The following OSBPL3 variants were observed in gnomAD, a reference collection of about 807,000 sequenced individuals.
OSBPL3 encodes the protein oxysterol-binding protein-related protein 3.
OSBPL3 carries 65 observed loss-of-function variants against 120.1 expected under a neutral mutation model. That is an observed-to-expected ratio of 0.54 (90% CI 0.44 to 0.67). The LOEUF (loss-of-function observed/expected upper bound fraction) is 0.67. Ranked by LOEUF, OSBPL3 falls within the 30% of genes least tolerant of loss-of-function variation. OSBPL3 has a pLI of 0.00. For synonymous variants in OSBPL3, 416 were observed against 402.6 expected (o/e 1.03, Z -0.40); for missense variants, 1,004 against 1,082.1 (o/e 0.93, Z 1.01).
In OSBPL3 at chr7:24,852,461, TG is replaced by T; in HGVS notation, c.1158+42del. 6.7e-7 allele frequency: 1 copy of T among 1,497,232 alleles called. No individual in the cohort carries two copies. The highest frequency in any genetic ancestry group is 8.9e-7 in the Non-Finnish European group (1 of 1,125,662). 92.7% of individuals were successfully genotyped at this position (1,497,232 alleles called of 1,614,324 possible). A position where few individuals can be genotyped will look rare whatever the true frequency, so the allele number is the denominator to read the frequency against. On this transcript the variant is annotated intron_variant, in intron 11 of 22. Transcript: ENST00000313367. The surrounding 1 kb of genome is among the most constrained non-coding windows in gnomAD (Gnocchi z 4.1). ...AGAAATTACAAACCATTCATGAGCCTGGACACATCTCAGGCATTCCTGGAGG... is the reference window on the plus strand; with the variant it reads ...AGAAATTACAAACCATTCATGAGCCTGACACATCTCAGGCATTCCTGGAGG...
At chr7:24,975,225 G>GAC (rs1311989402) in intron 1 of OSBPL3, among the ~76,000 whole-genome samples, 2 of 152,158 alleles carry the variant, frequency 1.3e-5, no homozygotes, top group Non-Finnish European at 2.9e-5. Flanking sequence ...TTATTCTACA[G>GAC]ACAATGATTA....
At chr7:24,886,690 C>CT (rs1302871372) in intron 2 of OSBPL3, among the ~76,000 whole-genome samples, 1 of 152,180 alleles carries the variant, frequency 6.6e-6, no homozygotes, top group Non-Finnish European at 1.5e-5. Flanking sequence ...CAACCATATA[C>CT]TTTTTTAACC....
intron 1 of OSBPL3, among the ~76,000 whole-genome samples, chr7:24,976,533 T>C (rs1817607988): frequency 1.1e-5 from 1 of 94,802 alleles, no homozygotes; most frequent in South Asian, 4.6e-4. Flanking sequence ...ACAGTAGTAA[T>C]TGGAAAGTCA....
chr7:24,824,284 G>A lies in OSBPL3; in HGVS notation c.1885-4046C>T, dbSNP rs1045958305. Reference sequence around the variant, plus strand: ...ATTTATAATTTATTTATATATCTGAGGCCTTTCTTTACCTTGACCTAATCA... The same window carrying A: ...ATTTATAATTTATTTATATATCTGAAGCCTTTCTTTACCTTGACCTAATCA... On this transcript the variant is annotated intron_variant, in intron 16 of 22. Coordinates refer to ENST00000313367, the MANE Select transcript of OSBPL3 (RefSeq NM_015550.4). The surrounding 1 kb of genome is among the most constrained non-coding windows in gnomAD (Gnocchi z 4.9). Among the ~76,000 whole-genome samples the A allele has an allele frequency of 1.3e-5, 2 of 152,058 alleles. No homozygotes were observed. The highest frequency in any genetic ancestry group is 4.8e-5 in the African/African-American group (2 of 41,382).
intron 12 of OSBPL3, among the ~76,000 whole-genome samples, chr7:24,845,305 G>C (rs1456495336): frequency 1.4e-5 from 2 of 147,582 alleles, no homozygotes; most frequent in Non-Finnish European, 3.0e-5. Flanking sequence ...TCTAGGGAGA[G>C]GCTGGATGAA....
At chr7:24,943,021 C>A (rs1813279427) in intron 1 of OSBPL3, among the ~76,000 whole-genome samples, 1 of 152,242 alleles carries the variant, frequency 6.6e-6, no homozygotes, top group Non-Finnish European at 1.5e-5. Flanking sequence ...TGCCTACCTG[C>A]AAAGGCCATC....
At chr7:24,882,291 A>C (rs1803813625) in intron 2 of OSBPL3, among the ~76,000 whole-genome samples, 1 of 136,614 alleles carries the variant, frequency 7.3e-6, no homozygotes. Context: ...TATCTAGATC[A>C]TTCCACTCTC....
intron 16 of OSBPL3, among the ~76,000 whole-genome samples, chr7:24,826,713 G>A (rs964501467): frequency 2.6e-5 from 4 of 152,240 alleles, no homozygotes; most frequent in Admixed American, 2.0e-4. Flanking sequence ...AATGCACGGA[G>A]CACTCTACAA....
At chr7:24,850,856 A>C (rs891052626) in intron 11 of OSBPL3, among the ~76,000 whole-genome samples, 7 of 152,230 alleles carry the variant, frequency 4.6e-5, no homozygotes, top group Non-Finnish European at 8.8e-5. Flanking sequence ...TGGTTCTAAA[A>C]ATTTTATTTT....
At chr7:24,919,341 G>A (rs1562926853) in intron 1 of OSBPL3, among the ~76,000 whole-genome samples, 1 of 152,000 alleles carries the variant, frequency 6.6e-6, no homozygotes, top group Non-Finnish European at 1.5e-5. Context: ...TGAGAATGTA[G>A]ACATTAAGCC....
At chr7:24,911,928 C>T (rs1255614506) in intron 1 of OSBPL3, among the ~76,000 whole-genome samples, 1 of 152,146 alleles carries the variant, frequency 6.6e-6, no homozygotes, top group African/African-American at 2.4e-5. Flanking sequence ...AGCTAAAAGG[C>T]AAGAAAAACC....
intron 1 of OSBPL3, among the ~76,000 whole-genome samples, chr7:24,921,588 C>CAGCAG (rs1425304825): frequency 6.6e-6 from 1 of 152,162 alleles, no homozygotes; most frequent in Non-Finnish European, 1.5e-5. Flanking sequence ...ATCCTGGCTG[C>CAGCAG]AGCAGCAGGA....
chr7:24,959,449 C>T lies in OSBPL3; in HGVS notation c.-150+20437G>A, dbSNP rs1438832591. On this transcript the variant is annotated intron_variant, in intron 1 of 22. Transcript: ENST00000313367. This position sits in a 1 kb window ranked among gnomAD's most constrained non-coding sequence, Gnocchi z 4.3. ...CAAAATATGAGTGACTCTCACAGAC[C>T]TAAAGCGTTAACATGAGTCAATTTA... Among the ~76,000 whole-genome samples, 1 of 152,086 alleles carries T rather than the reference C, an allele frequency of 6.6e-6. No individual in the cohort carries two copies. The highest frequency in any genetic ancestry group is 1.5e-5 in the Non-Finnish European group (1 of 67,994).
Position 24,808,153 on chromosome 7 carries a change from G to A in OSBPL3, c.2318-1251C>T, listed in dbSNP as rs1418124080. ...TGGCCTTAAACAATCTGCCTGCCTT[G>A]GCTTCCCAAAGTGCTGGGATTACAG... On this transcript the variant is annotated intron_variant, in intron 20 of 22. Coordinates refer to ENST00000313367, the MANE Select transcript of OSBPL3 (RefSeq NM_015550.4). The surrounding 1 kb of genome is among the most constrained non-coding windows in gnomAD (Gnocchi z 4.6). 6.6e-6 allele frequency among the ~76,000 whole-genome samples: 1 copy of A among 152,146 alleles called. No homozygotes were observed. Among genetic ancestry groups the A allele is most frequent in the African/African-American group, 2.4e-5 (1 of 41,424 alleles).
rs1211127587 is a variant in OSBPL3, at chr7:24,818,528, T to C, written c.1948+1647A>G. 6.6e-6 allele frequency among the ~76,000 whole-genome samples: 1 copy of C among 152,110 alleles called. No individual in the cohort carries two copies. The highest frequency in any genetic ancestry group is 1.5e-5 in the Non-Finnish European group (1 of 68,018). ...ATATTATTTGATGATATTAAAAATATATAACATAAATCCTAAAGTAACAAC... is the reference window on the plus strand; with the variant it reads ...ATATTATTTGATGATATTAAAAATACATAACATAAATCCTAAAGTAACAAC... On this transcript the variant is annotated intron_variant, in intron 17 of 22. Coordinates refer to ENST00000313367, the MANE Select transcript of OSBPL3 (RefSeq NM_015550.4). This position sits in a 1 kb window ranked among gnomAD's most constrained non-coding sequence, Gnocchi z 4.0.
chr7:24,892,411 G>A lies in OSBPL3; in HGVS notation c.62C>T (p.Thr21Ile), dbSNP rs140438755. ...TCCTTGCTTGGAAGAGCAGCTACTT[G>A]TGCTCCTTGAAGGTGATACCAATTT... Reference protein sequence around the residue: ...SQKLVSPSRSTSSCSSKQGSR... With the variant: ...SQKLVSPSRSISSCSSKQGSR... The change falls in exon 2 of 23, where the codon ACA (threonine) becomes ATA (isoleucine). Residue 21 changes from threonine (T) to isoleucine (I), a missense_variant. Thr to Ile is a moderately conservative substitution (Grantham distance 89). Around this residue, in one of 4 missense-constraint regions of OSBPL3, gnomAD observed 255 missense variants for 248.7 expected, o/e 1.03. Transcript: ENST00000313367. 2.7e-5 allele frequency: 43 copies of A among 1,613,482 alleles called. No homozygotes were observed. The highest frequency in any genetic ancestry group is 3.6e-5 in the Non-Finnish European group (42 of 1,179,634).
At chr7:24,895,349 T>C (rs1805982548) in intron 1 of OSBPL3, among the ~76,000 whole-genome samples, 1 of 152,200 alleles carries the variant, frequency 6.6e-6, no homozygotes, top group African/African-American at 2.4e-5. Context: ...TTCAGGACAG[T>C]ATCATGCTGT....
intron 1 of OSBPL3, among the ~76,000 whole-genome samples, chr7:24,969,949 T>C (rs1049297430): frequency 1.3e-5 from 2 of 152,048 alleles, no homozygotes; most frequent in Non-Finnish European, 2.9e-5. Flanking sequence ...ACTTGGGCCC[T>C]AATCTACCTC....
At position 24,953,308 on chromosome 7, in the gene OSBPL3, T is replaced by A. The variant is rs1453301706; in HGVS notation, c.-150+26578A>T. On this transcript the variant is annotated intron_variant, in intron 1 of 22. Transcript: ENST00000313367. The surrounding 1 kb of genome is among the most constrained non-coding windows in gnomAD (Gnocchi z 4.3). ...CAGCTCTGCCAAGGAGTAAGCCCCA[T>A]CTTTCCTAACCAAGCAACTCTTCCC... Among the ~76,000 whole-genome samples the A allele has an allele frequency of 1.3e-5, 2 of 152,168 alleles. No homozygotes were observed. The highest frequency in any genetic ancestry group is 2.9e-5 in the Non-Finnish European group (2 of 68,026).
Sources: gnomAD v4.1 joint callset for allele counts (sites outside exome capture counted in the v4.1 genomes callset) on GRCh38, gnomAD v4.1.1 for gene constraint, gnomAD v4.1.1 regional missense constraint, Gnocchi (gnomAD v3.1) non-coding constraint, MANE v1.5 for transcripts, NCBI Gene and HGNC (gene_info 2026-07-23, HGNC 2026-07-21) for gene names.